The following TNRC6C variants were observed in gnomAD, a reference collection of about 807,000 sequenced individuals.
TNRC6C encodes the protein trinucleotide repeat-containing gene 6C protein.
In TNRC6C, 20 loss-of-function variants were observed where a neutral mutation model predicts 153.7. The observed-to-expected ratio is 0.13, with a 90% CI of 0.09 to 0.19. The LOEUF (loss-of-function observed/expected upper bound fraction) is 0.19. Ranked by LOEUF, TNRC6C falls within the 10% of genes least tolerant of loss-of-function variation. The pLI, the probability that TNRC6C is intolerant of heterozygous loss-of-function variation, is 1.00. For missense variants in TNRC6C, 1,987 were observed against 2,172.0 expected (o/e 0.91, Z 1.69); for synonymous variants, 811 against 841.4 (o/e 0.96, Z 0.63).
chr17:78,094,476 T>C (rs1402882105), intron 16 of TNRC6C, among the ~76,000 whole-genome samples: 1 of 151,570 alleles, frequency 6.6e-6, no homozygotes, highest in Non-Finnish European at 1.5e-5. Context: ...TCTCGCTCTC[T>C]TGCCCAGGCT....
At chr17:78,083,753 G>C (rs1324377522) in intron 11 of TNRC6C, among the ~76,000 whole-genome samples, 1 of 152,098 alleles carries the variant, frequency 6.6e-6, no homozygotes, top group Non-Finnish European at 1.5e-5. Context: ...TGAAACCCCG[G>C]TCAAGAATGG....
chr17:77,985,769 T>A (rs2071157716), intron 1 of TNRC6C, among the ~76,000 whole-genome samples: 1 of 152,174 alleles, frequency 6.6e-6, no homozygotes, highest in African/African-American at 2.4e-5. Context: ...AATTAACGTC[T>A]GCACAGTCCC....
chr17:77,958,410 A>G (rs995756649), upstream of TNRC6C, among the ~76,000 whole-genome samples: 1 of 151,570 alleles, frequency 6.6e-6, no homozygotes, highest in African/African-American at 2.4e-5. Flanking sequence ...CGGAGCGCGC[A>G]CCGCTCGCAC....
At position 78,049,516 on chromosome 17, in the gene TNRC6C, G is replaced by A. The variant is rs771690639; in HGVS notation, c.454G>A (p.Gly152Arg). The change falls in exon 3 of 20, where the codon GGA becomes AGA. Residue 152 changes from glycine (G) to arginine (R), a missense_variant. By Grantham distance (125) the Gly-to-Arg change is moderately radical (BLOSUM62 -2). This residue lies in a region of TNRC6C where 1,052 missense variants were observed against 1,017.0 expected (regional missense o/e 1.03). Transcript: ENST00000301624. This position sits in a 1 kb window ranked among gnomAD's most constrained non-coding sequence, Gnocchi z 4.1. ...CCCAACAGGCACTTTAGGTGCTTGG[G>A]GAAACTTGCTGCCACAAGAGAGCAC... The A allele has an allele frequency of 6.2e-7, 1 of 1,613,902 alleles. No homozygotes were observed. The highest frequency in any genetic ancestry group is 8.5e-7 in the Non-Finnish European group (1 of 1,179,910).
intron 1 of TNRC6C, among the ~76,000 whole-genome samples, chr17:77,987,000 G>T (rs1031923927): frequency 1.3e-5 from 2 of 152,158 alleles, no homozygotes; most frequent in African/African-American, 4.8e-5. Flanking sequence ...ACAAATACAA[G>T]TAAAATCTCA....
At chr17:78,025,011 C>T (rs776314806) in intron 1 of TNRC6C, among the ~76,000 whole-genome samples, 1 of 151,702 alleles carries the variant, frequency 6.6e-6, no homozygotes, top group Admixed American at 6.6e-5. Flanking sequence ...CCAGTGTGAT[C>T]TCAAACTCCT....
intron 2 of TNRC6C, among the ~76,000 whole-genome samples, chr17:78,039,312 C>G (rs1464891256): frequency 7.6e-6 from 1 of 131,188 alleles, no homozygotes; most frequent in Non-Finnish European, 1.6e-5. Flanking sequence ...AAATCTTGCC[C>G]CCCCCCCCCA....
chr17:78,048,683 A>G (rs918089114), intron 2 of TNRC6C, among the ~76,000 whole-genome samples, 162 bp from the exon 5 acceptor site: 19 of 152,272 alleles, frequency 1.2e-4, no homozygotes, highest in African/African-American at 4.1e-4. Context: ...AATGGGATCT[A>G]TTAAGAAGAC....
intron 1 of TNRC6C, among the ~76,000 whole-genome samples, chr17:77,965,201 A>C (rs2070888077): frequency 6.6e-6 from 1 of 152,210 alleles, no homozygotes; most frequent in Admixed American, 6.5e-5. Flanking sequence ...TAGGAGATGA[A>C]GCCAGAATTT....
intron 1 of TNRC6C, among the ~76,000 whole-genome samples, chr17:77,966,173 T>C (rs564174785): frequency 3.3e-5 from 5 of 152,276 alleles, no homozygotes; most frequent in African/African-American, 1.2e-4. Flanking sequence ...GATATAGTTA[T>C]TGACTGGATG....
chr17:77,971,777 T>A (rs2070941672), intron 1 of TNRC6C, among the ~76,000 whole-genome samples: 1 of 151,748 alleles, frequency 6.6e-6, no homozygotes, highest in Non-Finnish European at 1.5e-5. Context: ...TCCATGTATG[T>A]CCATCAGAAA....
chr17:78,091,689 A>G (rs1396379151), intron 14 of TNRC6C, 82 bp downstream of exon 16: 1 of 1,276,562 alleles, frequency 7.8e-7, no homozygotes, highest in African/African-American at 1.5e-5. Flanking sequence ...TGGCCATTCT[A>G]TACTTTTCTA....
At chr17:78,065,582 G>A (rs1244925384) in intron 4 of TNRC6C, among the ~76,000 whole-genome samples, 1 of 152,154 alleles carries the variant, frequency 6.6e-6, no homozygotes, top group African/African-American at 2.4e-5. Flanking sequence ...ATTTCACTGA[G>A]CAAGATAGAT....
chr17:77,968,422 A>G (rs1598637226), intron 1 of TNRC6C, among the ~76,000 whole-genome samples: 3 of 150,896 alleles, frequency 2.0e-5, no homozygotes, highest in Non-Finnish European at 4.4e-5. Flanking sequence ...GCTCACTGCA[A>G]CCTCCGCCTC....
exon 3 of TNRC6C, chr17:78,051,028 G>A (rs779436510): frequency 6.2e-7 from 1 of 1,613,546 alleles, no homozygotes; most frequent in Non-Finnish European, 8.5e-7. Flanking sequence ...TACAAACTGG[G>A]GGGAGACTTT....
intron 9 of TNRC6C, chr17:78,077,783 C>T (rs2073110248): frequency 5.6e-6 from 1 of 177,366 alleles, no homozygotes; most frequent in African/African-American, 2.4e-5. Flanking sequence ...CAAGGTGGTT[C>T]TCAGGAGTCA....
At chr17:77,972,333 T>G (rs185335194) in intron 1 of TNRC6C, among the ~76,000 whole-genome samples, 44 of 152,056 alleles carry the variant, frequency 2.9e-4, no homozygotes, top group Middle Eastern at 6.8e-3. Context: ...GCCAACATGG[T>G]GAAACCCCAT....
chr17:77,981,791 T>C (rs2071081768), intron 1 of TNRC6C, among the ~76,000 whole-genome samples: 1 of 152,220 alleles, frequency 6.6e-6, no homozygotes, highest in African/African-American at 2.4e-5. Context: ...ATATTGTCTA[T>C]GGCTGGATTC....
At chr17:77,964,380 G>C (rs2070882262) in intron 1 of TNRC6C, among the ~76,000 whole-genome samples, 1 of 152,200 alleles carries the variant, frequency 6.6e-6, no homozygotes, top group South Asian at 2.1e-4. Flanking sequence ...GTCTGTGGTT[G>C]AGTCCTTTAC....
Sources: allele counts gnomAD v4.1 joint callset (sites outside exome capture counted in the v4.1 genomes callset), GRCh38; gene constraint gnomAD v4.1.1; regional missense constraint gnomAD v4.1.1; non-coding constraint Gnocchi (gnomAD v3.1); transcripts MANE v1.5; gene names NCBI Gene and HGNC (gene_info 2026-07-23, HGNC 2026-07-21).